The following DCLK2 variants were observed in gnomAD, a reference collection of about 807,000 sequenced individuals.
DCLK2 encodes serine/threonine-protein kinase DCLK2.
DCLK2 carries 31 observed loss-of-function variants against 78.4 expected under a neutral mutation model. The ratio of observed to expected loss-of-function variants is 0.40; its 90% CI spans 0.30 to 0.53. DCLK2 has a LOEUF of 0.53. Ranked by LOEUF, DCLK2 falls within the 20% of genes least tolerant of loss-of-function variation. The pLI is 0.61. For synonymous variants in DCLK2, 407 were observed against 374.9 expected (o/e 1.09, Z -0.99); for missense variants, 872 against 973.7 (o/e 0.90, Z 1.39).
intron 10 of DCLK2, among the ~76,000 whole-genome samples, chr4:150,237,364 A>G (rs998888124): frequency 6.6e-6 from 1 of 152,114 alleles, no homozygotes; most frequent in Non-Finnish European, 1.5e-5. Flanking sequence ...ATCTTTGAAA[A>G]TGTTTCTGCT....
intron 1 of DCLK2, among the ~76,000 whole-genome samples, chr4:150,080,414 A>T (rs920867283): frequency 6.6e-6 from 1 of 152,188 alleles, no homozygotes; most frequent in Non-Finnish European, 1.5e-5. Context: ...AGGCATTATC[A>T]GTGGTTAAGA....
intron 7 of DCLK2, 34 bp from the exon 8 acceptor site, chr4:150,224,467 G>A (rs1741444591): frequency 6.5e-7 from 1 of 1,538,108 alleles, no homozygotes; most frequent in African/African-American, 1.4e-5. Flanking sequence ...TTTAATTTAT[G>A]TCTTTAAATG....
At chr4:150,224,250 C>T (rs1741424631) in intron 7 of DCLK2, among the ~76,000 whole-genome samples, 1 of 151,756 alleles carries the variant, frequency 6.6e-6, no homozygotes, top group Non-Finnish European at 1.5e-5. Flanking sequence ...CAAGTTTTTC[C>T]TTCCTGGGTC....
rs746305210 is a variant in DCLK2 at position 150,247,579 on chromosome 4, TC to T, written c.1779-22del. ...ATTCTACGGTGACTTTGACTTTTCT[TC>T]CATTTCTTTGTCACTGGCTTAGTGA... On this transcript the variant is annotated intron_variant, in intron 12 of 15. Transcript: ENST00000296550. 4.4e-6 allele frequency: 7 copies of T among 1,605,526 alleles called. No homozygotes were observed. The East Asian group carries it at 1.6e-4, about 36-fold the overall frequency.
At chr4:150,229,426 C>T (rs941404827) in intron 8 of DCLK2, among the ~76,000 whole-genome samples, 1 of 152,086 alleles carries the variant, frequency 6.6e-6, no homozygotes, top group African/African-American at 2.4e-5. Flanking sequence ...GATTCAGAGG[C>T]CACCAAGGAG....
At chr4:150,221,453 G>A (rs1452277571) in intron 6 of DCLK2, among the ~76,000 whole-genome samples, 1 of 151,778 alleles carries the variant, frequency 6.6e-6, no homozygotes, top group Non-Finnish European at 1.5e-5. Flanking sequence ...GATATCTCAG[G>A]GATTTGTTAG....
intron 2 of DCLK2, among the ~76,000 whole-genome samples, chr4:150,173,697 T>A (rs1736723727): frequency 6.6e-6 from 1 of 152,194 alleles, no homozygotes; most frequent in South Asian, 2.1e-4. Flanking sequence ...TCAGGCAGTA[T>A]GAAAATCCTT....
chr4:150,216,244 C>A (rs546378699), intron 5 of DCLK2, among the ~76,000 whole-genome samples: 2 of 152,194 alleles, frequency 1.3e-5, no homozygotes, highest in African/African-American at 4.8e-5. Flanking sequence ...GAGTGTTGCT[C>A]ATCATCAGAT....
At chr4:150,084,167 A>C (rs58263768) in intron 1 of DCLK2, among the ~76,000 whole-genome samples, 6,675 of 152,256 alleles carry the variant, frequency 0.044, 451 homozygotes, top group African/African-American at 0.15. Flanking sequence ...TTAGCTTTGT[A>C]GTCTCATGAT....
At chr4:150,232,500 TACA>T (rs1742153892) in intron 9 of DCLK2, 44 bp downstream of exon 9, 3 of 1,604,184 alleles carry the variant, frequency 1.9e-6, no homozygotes, top group Non-Finnish European at 2.6e-6. Context: ...TCCCACAATT[TACA>T]ACATCCTTGA....
Position 150,192,812 on chromosome 4 carries a change from A to G in DCLK2, c.757-326A>G, listed in dbSNP as rs570388884. On this transcript the variant is annotated intron_variant, in intron 2 of 15. Coordinates refer to ENST00000296550, the MANE Select transcript of DCLK2 (RefSeq NM_001040260.4). Reference sequence around the variant, plus strand: ...GAAAAGAATACTAAACTGAGAGCAGAGGCCTTCATGAATGTCAGCTTCACC... The same window carrying G: ...GAAAAGAATACTAAACTGAGAGCAGGGGCCTTCATGAATGTCAGCTTCACC... Among the ~76,000 whole-genome samples the G allele has an allele frequency of 3.9e-5, 6 of 152,292 alleles. No individual in the cohort carries two copies. In the South Asian group the frequency reaches 1.2e-3, roughly 32 times the overall value.
intron 2 of DCLK2, among the ~76,000 whole-genome samples, chr4:150,122,658 C>T (rs759538512): frequency 5.9e-5 from 9 of 152,114 alleles, no homozygotes; most frequent in Admixed American, 2.0e-4. Context: ...ATGTGGATGA[C>T]GGGTTGATAG....
At chr4:150,156,793 T>A (rs1040004950) in intron 2 of DCLK2, among the ~76,000 whole-genome samples, 1 of 135,884 alleles carries the variant, frequency 7.4e-6, no homozygotes, top group Admixed American at 7.4e-5. Flanking sequence ...TTATTTATTT[T>A]TTGAGACAGA....
At chr4:150,131,623 G>T (rs769873016) in intron 2 of DCLK2, among the ~76,000 whole-genome samples, 2 of 152,058 alleles carry the variant, frequency 1.3e-5, no homozygotes, top group Non-Finnish European at 2.9e-5. Flanking sequence ...ATTTGAGCCT[G>T]GGACAATCCT....
At chr4:150,247,316 C>T (rs1304382173) in intron 12 of DCLK2, among the ~76,000 whole-genome samples, 2 of 152,302 alleles carry the variant, frequency 1.3e-5, no homozygotes, top group South Asian at 4.1e-4. Flanking sequence ...CGTCCCTTTC[C>T]AGAACTTTTC....
At chr4:150,219,655 CAA>C (rs1264303786) in intron 5 of DCLK2, among the ~76,000 whole-genome samples, 1 of 152,160 alleles carries the variant, frequency 6.6e-6, no homozygotes, top group Non-Finnish European at 1.5e-5. Flanking sequence ...GTGTCAGAGA[CAA>C]AGTGATTTTA....
chr4:150,175,194 TCTA>T, intron 2 of DCLK2, among the ~76,000 whole-genome samples: 1 of 63,838 alleles, frequency 1.6e-5, no homozygotes, highest in African/African-American at 8.9e-5. Flanking sequence ...TTATAATTTA[TCTA>T]TATATATTTA....
intron 2 of DCLK2, among the ~76,000 whole-genome samples, chr4:150,126,415 A>G (rs923153884): frequency 2.0e-5 from 3 of 152,220 alleles, no homozygotes; most frequent in Non-Finnish European, 4.4e-5. Flanking sequence ...CAGTGATGCA[A>G]GAGACTGTGG....
At chr4:150,147,969 C>T (rs1297609726) in intron 2 of DCLK2, among the ~76,000 whole-genome samples, 1 of 152,222 alleles carries the variant, frequency 6.6e-6, no homozygotes, top group East Asian at 1.9e-4. Context: ...ACTATGATAG[C>T]GTTAAAAAGT....
Sources: gnomAD v4.1 joint callset for allele counts (sites outside exome capture counted in the v4.1 genomes callset) on GRCh38, gnomAD v4.1.1 for gene constraint, MANE v1.5 for transcripts, NCBI Gene and HGNC (gene_info 2026-07-23, HGNC 2026-07-21) for gene names.